The following DCAF8L2 variants were observed in gnomAD, a reference collection of about 807,000 sequenced individuals.
DCAF8L2 encodes the protein DDB1 and CUL4 associated factor 8 like 2.
For missense variants in DCAF8L2, 430 were observed against 490.7 expected, an observed-to-expected ratio of 0.88 and a Z score of 1.17; for synonymous variants, 200 against 190.9, an observed-to-expected ratio of 1.05 and a Z score of -0.39.
At chrX:27,473,397 A>G in the DCAF8L2 span, among the ~76,000 whole-genome samples, 1 of 111,099 alleles carries the variant, frequency 9.0e-6, no homozygotes, top group Non-Finnish European at 1.9e-5. Context: ...ATTTTCTAAT[A>G]TCCTTCAACT....
chrX:27,533,180 A>AG, the DCAF8L2 span, among the ~76,000 whole-genome samples: 105 of 18,563 alleles, frequency 5.7e-3, 3 homozygotes, highest in Middle Eastern at 0.027. Context: ...GAAAGAAAGA[A>AG]AGAAAGAAAG....
chrX:27,731,558 T>C lies in DCAF8L2; in HGVS notation c.-58-15280T>C, dbSNP rs1921209804. 2.7e-5 allele frequency among the ~76,000 whole-genome samples: 3 copies of C among 110,888 alleles called. No individual in the cohort carries two copies. The South Asian group carries it at 1.1e-3, about 42-fold the overall frequency. On this transcript the variant is annotated intron_variant, in intron 4 of 4. Coordinates refer to ENST00000451261, the MANE Select transcript of DCAF8L2 (RefSeq NM_001353450.2). ...CTCATATGGCAGAAAGAGAGAAATA[T>C]CCTTGGTCTCCTTCTTTTTTAATAA...
chrX:27,699,960 A>T (rs977417569), intron 3 of DCAF8L2, among the ~76,000 whole-genome samples: 1 of 111,313 alleles, frequency 9.0e-6, no homozygotes, highest in Non-Finnish European at 1.9e-5. Context: ...GCTTGAGCCT[A>T]GGAGTTCAAC....
chrX:27,668,825 C>A lies in DCAF8L2; in HGVS notation c.-219-9011C>A, dbSNP rs374976878. 1.0e-4 allele frequency among the ~76,000 whole-genome samples: 11 copies of A among 110,386 alleles called. No individual in the cohort carries two copies. The East Asian group carries it at 3.2e-3, about 32-fold the overall frequency. ...AAAATTAGCCAGGCGTGGTGGTGGG[C>A]GCCTGTAATCCCAGCAGGAGAATCG... On this transcript the variant is annotated intron_variant, in intron 2 of 4. Coordinates refer to ENST00000451261, the MANE Select transcript of DCAF8L2 (RefSeq NM_001353450.2).
chrX:27,563,224 A>G, the DCAF8L2 span, among the ~76,000 whole-genome samples: 12 of 111,725 alleles, frequency 1.1e-4, no homozygotes, highest in Non-Finnish European at 2.1e-4. Context: ...AAAAATAGAA[A>G]AAAAAATATA....
At chrX:27,503,080 T>C in the DCAF8L2 span, among the ~76,000 whole-genome samples, 6 of 112,148 alleles carry the variant, frequency 5.4e-5, no homozygotes, top group Non-Finnish European at 9.4e-5. Context: ...CATTAGTCAG[T>C]TAAGTCCATG....
intron 1 of DCAF8L2, among the ~76,000 whole-genome samples, chrX:27,611,174 T>C (rs1466063682): frequency 9.0e-6 from 1 of 111,094 alleles, no homozygotes; most frequent in African/African-American, 3.3e-5. Flanking sequence ...GTACCGATAG[T>C]ACAGGTACAC....
intron 3 of DCAF8L2, among the ~76,000 whole-genome samples, chrX:27,689,957 G>T (rs1334319852): frequency 9.0e-6 from 1 of 111,184 alleles, no homozygotes; most frequent in African/African-American, 3.3e-5. Context: ...ATAGAATTAG[G>T]CTATTATAGT....
chrX:27,482,701 G>A, the DCAF8L2 span, among the ~76,000 whole-genome samples: 1 of 111,630 alleles, frequency 9.0e-6, no homozygotes, highest in South Asian at 3.7e-4. Flanking sequence ...TTTTTGGAAC[G>A]TTAGAAAGAA....
At chrX:27,735,087 T>C (rs1921446264) in intron 4 of DCAF8L2, among the ~76,000 whole-genome samples, 1 of 111,735 alleles carries the variant, frequency 8.9e-6, no homozygotes, top group South Asian at 3.7e-4. Context: ...TTTGGAGATA[T>C]TGATACATGT....
chrX:27,558,270 C>T, the DCAF8L2 span, among the ~76,000 whole-genome samples: 1 of 112,072 alleles, frequency 8.9e-6, no homozygotes, highest in African/African-American at 3.2e-5. Flanking sequence ...GCCTTACTTC[C>T]TCCTCAGGAT....
At chrX:27,581,384 T>C in the DCAF8L2 span, among the ~76,000 whole-genome samples, 4 of 111,988 alleles carry the variant, frequency 3.6e-5, no homozygotes, top group African/African-American at 9.8e-5. Flanking sequence ...TTCCATGTGT[T>C]GTGTAAATAC....
At chrX:27,576,769 A>G in the DCAF8L2 span, among the ~76,000 whole-genome samples, 3 of 112,327 alleles carry the variant, frequency 2.7e-5, no homozygotes, top group Admixed American at 1.9e-4. Context: ...TCCTGGTTAT[A>G]TTAAAAATAC....
the DCAF8L2 span, among the ~76,000 whole-genome samples, chrX:27,523,777 C>T: frequency 9.1e-6 from 1 of 109,686 alleles, no homozygotes; most frequent in African/African-American, 3.3e-5. Context: ...GTCCCCCCAC[C>T]CCACAACAGG....
intron 1 of DCAF8L2, among the ~76,000 whole-genome samples, chrX:27,628,751 C>T (rs1296768682): frequency 9.1e-6 from 1 of 110,258 alleles, no homozygotes; most frequent in African/African-American, 3.3e-5. Context: ...CTACAGGCGC[C>T]CGCCACCACG....
intron 2 of DCAF8L2, among the ~76,000 whole-genome samples, chrX:27,658,760 G>A (rs992521060): frequency 8.9e-6 from 1 of 112,285 alleles, no homozygotes; most frequent in Non-Finnish European, 1.9e-5. Context: ...CACTGGGTTT[G>A]TAACAGTCAG....
chrX:27,746,997 G>A lies in DCAF8L2; in HGVS notation c.102G>A (p.Glu34=), dbSNP rs1922210160. The A allele has an allele frequency of 1.7e-6, 2 of 1,187,834 alleles. No individual in the cohort carries two copies. Among genetic ancestry groups the A allele is most frequent in the African/African-American group, 3.6e-5 (2 of 56,318 alleles). The change falls in exon 5 of 5, where the codon GAG becomes GAA. Residue 34 remains glutamate, a synonymous_variant. Transcript: ENST00000451261. ...AGTCTGGAGCCGTGGCGGCGACAGA[G>A]GCCTCCTCAGACATTGACATAGCGA... is the stretch of plus-strand genomic sequence containing the variant. The part of the protein sequence containing the change: ...EEQSGAVAAT[E]ASSDIDIATS...
the DCAF8L2 span, among the ~76,000 whole-genome samples, chrX:27,502,335 A>AAAAAAAAAAAAAAAAT: frequency 7.9e-5 from 1 of 12,714 alleles, no homozygotes; most frequent in Non-Finnish European, 1.5e-4. Context: ...AAAAAAAAAA[A>AAAAAAAAAAAAAAAAT]ATATATATAT....
At chrX:27,518,234 A>C in the DCAF8L2 span, 3 of 876,351 alleles carry the variant, frequency 3.4e-6, no homozygotes, top group Non-Finnish European at 5.1e-6. Flanking sequence ...GGTTATAATA[A>C]AGAGATTCAT....
Sources: gnomAD v4.1 joint callset for allele counts (sites outside exome capture counted in the v4.1 genomes callset) on GRCh38, gnomAD v4.1.1 for gene constraint, MANE v1.5 for transcripts, NCBI Gene and HGNC (gene_info 2026-07-23, HGNC 2026-07-21) for gene names.